The following ZNF792 variants were observed in gnomAD, a reference collection of about 807,000 sequenced individuals.
ZNF792 encodes zinc finger protein 792.
Under a neutral mutation model 13.1 loss-of-function variants are expected in ZNF792, and 14 were observed. That is an observed-to-expected ratio of 1.07 (90% CI 0.71 to 1.67). ZNF792 has a LOEUF of 1.67. Ranked by LOEUF, ZNF792 falls within the 40% of genes most tolerant of loss-of-function variation. The probability of loss-of-function intolerance (pLI) is 0.00; values close to 1 mark genes in which losing one functional copy is unlikely to be tolerated. For synonymous variants in ZNF792, 257 were observed against 292.0 expected (o/e 0.88, Z 1.22); for missense variants, 740 against 807.9 (o/e 0.92, Z 1.02).
Position 34,959,027 on chromosome 19 carries a change from G to C in ZNF792, c.828C>G (p.His276Gln), listed in dbSNP as rs1353858835. 6.2e-7 allele frequency: 1 copy of C among 1,614,146 alleles called. No homozygotes were observed. Among genetic ancestry groups the C allele is most frequent in the South Asian group, 1.1e-5 (1 of 91,084 alleles). The change falls in exon 4 of 4, where the codon CAC becomes CAG. Residue 276 changes from histidine (H) to glutamine (Q), a missense_variant. Coordinates refer to ENST00000404801, the MANE Select transcript of ZNF792 (RefSeq NM_175872.5). ...TGCATTCATAAGGCCTTTCTCTGCT[G>C]TGGATTCTCTGGTGCTGAACAAGAG... ...KSTLVQHQRI[H>Q]SRERPYECSK...
chr19:34,959,703 T>C (rs1319853972), intron 3 of ZNF792, 132 bp from the exon 4 acceptor site: 10 of 1,014,930 alleles, frequency 9.9e-6, no homozygotes, highest in Non-Finnish European at 1.4e-5. Context: ...CAGGTCAGGG[T>C]AAGGAATAAT....
rs908304150 is a variant in ZNF792 at position 34,957,541 on chromosome 19, A to G, written c.*415T>C. ...TGAACCAGGGCAATACACAGGAGAT[A>G]AGTTGTTGTGTAGAGTAACATGAAG... On this transcript the variant is annotated 3_prime_UTR_variant, in exon 4 of 4. Transcript: ENST00000404801. The G allele has an allele frequency of 2.3e-5, 4 of 174,074 alleles. No individual in the cohort carries two copies. Among genetic ancestry groups the G allele is most frequent in the Non-Finnish European group, 4.8e-5 (4 of 82,962 alleles). 10.8% of individuals were successfully genotyped at this position (174,074 alleles called of 1,614,324 possible).
rs755057200 is a variant in ZNF792, at chr19:34,957,927, C to T, written c.*29G>A. On this transcript the variant is annotated 3_prime_UTR_variant, in exon 4 of 4. Transcript: ENST00000404801. The stretch of plus-strand genomic sequence containing the variant: ...TACAGTAAGAGAATGTAACTTGTCT[C>T]CAGAAAGCTTCCAACACAGCTAGCA... 7.1e-6 allele frequency: 11 copies of T among 1,553,194 alleles called. No homozygotes were observed. Among genetic ancestry groups the T allele is most frequent in the Non-Finnish European group, 9.6e-6 (11 of 1,151,066 alleles).
rs758793146 is a variant in ZNF792, at chr19:34,958,048, C to G, written c.1807G>C (p.Glu603Gln). 77 of 1,612,718 alleles carry G rather than the reference C, an allele frequency of 4.8e-5. No homozygotes were observed. The highest frequency in any genetic ancestry group is 6.5e-5 in the Non-Finnish European group (77 of 1,179,368). Residue 603 changes from glutamate to glutamine, a missense_variant, in exon 4 of 4, where the codon GAG becomes CAG. Glu to Gln is a conservative substitution (Grantham distance 29). Transcript: ENST00000404801. The stretch of plus-strand genomic sequence containing the variant: ...TAAGGTCTGTTCTCAGAGCTTATCT[C>G]TGGTGTGTGCTGTGAACAGGGAAGG... ...VLLPCSQHTP[E>Q]ISSENRPYQG...
intron 1 of ZNF792, among the ~76,000 whole-genome samples, chr19:34,961,228 C>G (rs1358037478): frequency 6.6e-6 from 1 of 152,106 alleles, no homozygotes; most frequent in Non-Finnish European, 1.5e-5. Context: ...CTTCTGCCAG[C>G]CTCTTCCCCT....
Position 34,959,305 on chromosome 19 carries a change from C to G in ZNF792, c.550G>C (p.Val184Leu), listed in dbSNP as rs1010575049. The change falls in exon 4 of 4, where the codon GTA (valine) becomes CTA (leucine). Residue 184 changes from valine (V) to leucine (L), a missense_variant. Val to Leu is a conservative substitution (Grantham distance 32). Coordinates refer to ENST00000404801, the MANE Select transcript of ZNF792 (RefSeq NM_175872.5). ...NLPRKQVQQN[V>L]HNPIRTEEGQ... is the part of the protein sequence containing the mutation. ...TCCTCCGTTCTGATAGGGTTGTGTA[C>G]GTTCTGCTGCACCTGTTTCCGGGGA... 5 of 1,613,912 alleles carry G rather than the reference C, an allele frequency of 3.1e-6. No homozygotes were observed. In the African/African-American group the frequency reaches 6.7e-5, roughly 22 times the overall value.
rs151214625 is a variant in ZNF792 at position 34,959,127 on chromosome 19, C to G, written c.728G>C (p.Gly243Ala). The G allele has an allele frequency of 1.9e-6, 3 of 1,613,734 alleles. No homozygotes were observed. The highest frequency in any genetic ancestry group is 1.7e-6 in the Non-Finnish European group (2 of 1,179,718). Residue 243 changes from glycine (G) to alanine (A), a missense_variant, in exon 4 of 4, where the codon GGT becomes GCT. Physicochemically the swap from Gly to Ala is moderately conservative, Grantham distance 60 (BLOSUM62 0). Coordinates refer to ENST00000404801, the MANE Select transcript of ZNF792 (RefSeq NM_175872.5). ...TAGTGCAATGTGAAAATCCACCACACCTTCGGTGGCCTCGTGCGGCTCCCC... is the reference window on the plus strand; with the variant it reads ...TAGTGCAATGTGAAAATCCACCACAGCTTCGGTGGCCTCGTGCGGCTCCCC... ...SDGEPHEATEGVVDFHIALRH... is the reference protein window; with the variant it reads ...SDGEPHEATEAVVDFHIALRH...
At position 34,959,154 on chromosome 19, in the gene ZNF792, T is replaced by A. The variant is rs1294977032; in HGVS notation, c.701A>T (p.Asp234Val). The A allele has an allele frequency of 1.9e-6, 3 of 1,613,714 alleles. No homozygotes were observed. In the African/African-American group the frequency reaches 4.0e-5, roughly 22 times the overall value. ...TTCGGTGGCCTCGTGCGGCTCCCCA[T>A]CGCTGGGAGTGACCTCACACTGCAG... ...GFLQCEVTPS[D>V]GEPHEATEGV... The change falls in exon 4 of 4, where the codon GAT (aspartate) becomes GTT (valine). Residue 234 changes from aspartate to valine, a missense_variant. Transcript: ENST00000404801.
rs2013473144 is a variant in ZNF792 at position 34,958,583 on chromosome 19, A to G, written c.1272T>C (p.Cys424=). The G allele has an allele frequency of 6.2e-7, 1 of 1,605,152 alleles. No individual in the cohort carries two copies. The highest frequency in any genetic ancestry group is 2.2e-5 in the East Asian group (1 of 44,776). ...GGCTGAAGAATTTCCCACATTCGTTACACTTGTAAGGTCTTTCTCCAGTGT... is the reference window on the plus strand; with the variant it reads ...GGCTGAAGAATTTCCCACATTCGTTGCACTTGTAAGGTCTTTCTCCAGTGT... The part of the protein sequence containing the change: ...RVHTGERPYK[C]NECGKFFSHI... The change falls in exon 4 of 4, where the codon TGT becomes TGC. Residue 424 remains cysteine (C), a synonymous_variant. Transcript: ENST00000404801.
At chr19:34,960,196 G>A (rs1380216468) in intron 3 of ZNF792, 39 bp downstream of exon 3, 1 of 1,605,810 alleles carries the variant, frequency 6.2e-7, no homozygotes, top group Non-Finnish European at 8.5e-7. Flanking sequence ...AAACACAGTG[G>A]TGAAGTCACA....
rs1157702184 is a variant in ZNF792 at position 34,959,364 on chromosome 19, G to A, written c.491C>T (p.Ala164Val). 6.2e-7 allele frequency: 1 copy of A among 1,614,096 alleles called. No individual in the cohort carries two copies. The highest frequency in any genetic ancestry group is 8.5e-7 in the Non-Finnish European group (1 of 1,179,960). ...HPRQKPFVCE[A>V]YVKGSEFSAN... ...ACTGAACTCAGAGCCTTTCACATAT[G>A]CCTCACACACAAATGGTTTCTGCCT... Residue 164 changes from alanine (A) to valine (V), a missense_variant, in exon 4 of 4, where the codon GCA becomes GTA. Coordinates refer to ENST00000404801, the MANE Select transcript of ZNF792 (RefSeq NM_175872.5).
rs2151682220 is a variant in ZNF792 at position 34,958,942 on chromosome 19, T to C, written c.913A>G (p.Asn305Asp). 1.9e-6 allele frequency: 3 copies of C among 1,614,124 alleles called. No homozygotes were observed. Among genetic ancestry groups the C allele is most frequent in the East Asian group, 4.5e-5 (2 of 44,890 alleles). ...CAGCACTCATACGGTTTTCCTCTAT[T>C]GTGAACTTTCTGGTGTTGAGTGAGG... ...ADLTQHQKVH[N>D]RGKPYECCEC... is the part of the protein sequence containing the mutation. The change falls in exon 4 of 4, where the codon AAT becomes GAT. Residue 305 changes from asparagine to aspartate, a missense_variant. Asn to Asp is a conservative substitution (Grantham distance 23). Coordinates refer to ENST00000404801, the MANE Select transcript of ZNF792 (RefSeq NM_175872.5).
chr19:34,960,665 C>T, intron 2 of ZNF792: 1 of 815,278 alleles, frequency 1.2e-6, no homozygotes, highest in East Asian at 2.8e-5. Context: ...TGCAAGGCTT[C>T]AGGCAGCAGG....
intron 1 of ZNF792, among the ~76,000 whole-genome samples, chr19:34,961,255 T>C (rs913046916): frequency 6.6e-6 from 1 of 152,110 alleles, no homozygotes; most frequent in Non-Finnish European, 1.5e-5. Flanking sequence ...ACCAATGTCA[T>C]GCTTCTCAGA....
At chr19:34,962,882 T>G (rs2013548200) in intron 1 of ZNF792, among the ~76,000 whole-genome samples, 1 of 152,144 alleles carries the variant, frequency 6.6e-6, no homozygotes, top group Non-Finnish European at 1.5e-5. Flanking sequence ...AAATTCCTCC[T>G]AAAACCAACT....
In ZNF792 at chr19:34,957,335, A is replaced by G. The variant is rs1011536449; in HGVS notation, c.*621T>C. 2.6e-4 allele frequency: 39 copies of G among 152,188 alleles called. No individual in the cohort carries two copies. The highest frequency in any genetic ancestry group is 9.2e-4 in the African/African-American group (38 of 41,442). 9.4% of individuals were successfully genotyped at this position (152,188 alleles called of 1,614,324 possible). A position where few individuals can be genotyped will look rare whatever the true frequency, so the allele number is the denominator to read the frequency against. ...ATTTTTCCTAGGAGGCCTTGGTGGC[A>G]ATGCAAATGAGGTCAAATCTGGATT... is the stretch of plus-strand genomic sequence containing the variant. On this transcript the variant is annotated 3_prime_UTR_variant, in exon 4 of 4. Coordinates refer to ENST00000404801, the MANE Select transcript of ZNF792 (RefSeq NM_175872.5).
chr19:34,963,051 C>A (rs1038481753), intron 1 of ZNF792, among the ~76,000 whole-genome samples: 1 of 152,128 alleles, frequency 6.6e-6, no homozygotes, highest in African/African-American at 2.4e-5. Flanking sequence ...TCCGGCCAGC[C>A]GCAGCACTGG....
In ZNF792 at chr19:34,957,979, T is replaced by C; in HGVS notation, c.1876A>G (p.Thr626Ala). The change falls in exon 4 of 4, where the codon ACC becomes GCC. Residue 626 changes from threonine to alanine, a missense_variant. Coordinates refer to ENST00000404801, the MANE Select transcript of ZNF792 (RefSeq NM_175872.5). ...NYKLKLVHPS[T>A]HPGEVP ...TCCTAGGGAACCTCCCCAGGGTGGGTACTTGGATGAACAAGTTTCAACTTG... is the reference window on the plus strand; with the variant it reads ...TCCTAGGGAACCTCCCCAGGGTGGGCACTTGGATGAACAAGTTTCAACTTG... 1 of 1,610,964 alleles carries C rather than the reference T, an allele frequency of 6.2e-7. No homozygotes were observed. Among genetic ancestry groups the C allele is most frequent in the Non-Finnish European group, 8.5e-7 (1 of 1,178,040 alleles).
Position 34,956,413 on chromosome 19 carries a change from A to G in ZNF792, c.*1543T>C, listed in dbSNP as rs765104209. 2 of 152,182 alleles carry G rather than the reference A, an allele frequency of 1.3e-5. No homozygotes were observed. Among genetic ancestry groups the G allele is most frequent in the Non-Finnish European group, 2.9e-5 (2 of 68,036 alleles). The allele number at this position is 152,182 out of a possible 1,614,324, so 9.4% of individuals were successfully genotyped here. On this transcript the variant is annotated 3_prime_UTR_variant, in exon 4 of 4. Transcript: ENST00000404801. Reference sequence around the variant, plus strand: ...AATTCTAGAAAAGGCAAACAAATCTAAAGTAAAAAATGTAAATCAACGGTT... The same window carrying G: ...AATTCTAGAAAAGGCAAACAAATCTGAAGTAAAAAATGTAAATCAACGGTT...
Sources: allele counts gnomAD v4.1 joint callset (sites outside exome capture counted in the v4.1 genomes callset), GRCh38; gene constraint gnomAD v4.1.1; transcripts MANE v1.5; gene names NCBI Gene and HGNC (gene_info 2026-07-23, HGNC 2026-07-21).